PPP6R3: variants seen among roughly 807,000 people sequenced by gnomAD.
PPP6R3 encodes serine/threonine-protein phosphatase 6 regulatory subunit 3.
In PPP6R3, 38 loss-of-function variants were observed where a neutral mutation model predicts 110.7. The observed-to-expected ratio is 0.34, with a 90% confidence interval of 0.26 to 0.45. The LOEUF is 0.45. Ranked by LOEUF, PPP6R3 falls within the 20% of genes least tolerant of loss-of-function variation. The pLI is 1.00. For missense variants in PPP6R3, 870 were observed against 1,062.4 expected (o/e 0.82, Z 2.52); for synonymous variants, 369 against 373.5 (o/e 0.99, Z 0.14).
chr11:68,525,767 G>A (rs1306082332), intron 2 of PPP6R3, among the ~76,000 whole-genome samples: 2 of 152,148 alleles, frequency 1.3e-5, no homozygotes, highest in Non-Finnish European at 2.9e-5. Flanking sequence ...GCATCTCAGT[G>A]TGCTCCTGAA....
intron 1 of PPP6R3, among the ~76,000 whole-genome samples, chr11:68,483,201 T>C (rs951997868): frequency 2.6e-5 from 4 of 152,240 alleles, no homozygotes; most frequent in Non-Finnish European, 2.9e-5. Context: ...CTTAGAAAAG[T>C]ATTTTGTTTA....
chr11:68,460,954 T>TG (rs1223558589), intron 1 of PPP6R3, 127 bp downstream of exon 1: 1 of 147,426 alleles, frequency 6.8e-6, no homozygotes, highest in Admixed American at 6.7e-5. Context: ...CCCTCTCCCC[T>TG]CCCCCCCCGG....
chr11:68,477,737 AAAAAATATATATATATATATATATAT>A (rs1198949479), intron 1 of PPP6R3, among the ~76,000 whole-genome samples: 5 of 64,558 alleles, frequency 7.7e-5, no homozygotes, highest in African/African-American at 3.0e-4. Flanking sequence ...TTAAAAAAAA[AAAAAATATATATATATATATATATAT>A]ATATATATAA....
At chr11:68,473,201 TCAGCTC>T (rs978709942) in intron 1 of PPP6R3, among the ~76,000 whole-genome samples, 2 of 152,206 alleles carry the variant, frequency 1.3e-5, no homozygotes, top group African/African-American at 4.8e-5. Context: ...GTTGGGACTT[TCAGCTC>T]CACCTCCAGC....
intron 1 of PPP6R3, among the ~76,000 whole-genome samples, chr11:68,496,622 G>A (rs184496771): frequency 6.2e-4 from 94 of 151,922 alleles, no homozygotes; most frequent in African/African-American, 2.2e-3. Context: ...ACAGGTGTGT[G>A]CCACCGCATC....
intron 19 of PPP6R3, 107 bp downstream of exon 19, chr11:68,596,325 G>A (rs1164402242): frequency 1.3e-6 from 2 of 1,490,588 alleles, no homozygotes; most frequent in East Asian, 2.3e-5. Flanking sequence ...CTGAAGGAAA[G>A]GTTGGGTTGA....
At chr11:68,567,596 C>G (rs1247739456) in intron 10 of PPP6R3, among the ~76,000 whole-genome samples, 1 of 152,118 alleles carries the variant, frequency 6.6e-6, no homozygotes, top group Non-Finnish European at 1.5e-5. Flanking sequence ...CCTTGAGACA[C>G]AGTTATTAGC....
chr11:68,494,863 A>G (rs1447702222), intron 1 of PPP6R3, among the ~76,000 whole-genome samples: 1 of 152,164 alleles, frequency 6.6e-6, no homozygotes, highest in African/African-American at 2.4e-5. Flanking sequence ...CTTAAAAACA[A>G]ATTTTATGTT....
At chr11:68,544,581 A>G (rs1474940952) in intron 3 of PPP6R3, among the ~76,000 whole-genome samples, 3 of 152,218 alleles carry the variant, frequency 2.0e-5, no homozygotes, top group African/African-American at 7.2e-5. Context: ...TGGGCTTCTG[A>G]GTACTAGGTG....
At chr11:68,598,427 G>C (rs2099620670) in intron 19 of PPP6R3, among the ~76,000 whole-genome samples, 1 of 152,200 alleles carries the variant, frequency 6.6e-6, no homozygotes, top group Admixed American at 6.5e-5. Flanking sequence ...GAGCACCCTG[G>C]ATGAGGTTCG....
chr11:68,555,182 C>T (rs769276103), intron 7 of PPP6R3, among the ~76,000 whole-genome samples: 9 of 152,092 alleles, frequency 5.9e-5, no homozygotes, highest in Non-Finnish European at 7.4e-5. Context: ...AAAAGATTGC[C>T]GGCTTCTGAG....
intron 1 of PPP6R3, among the ~76,000 whole-genome samples, chr11:68,477,053 T>G (rs1283819614): frequency 2.0e-5 from 3 of 151,872 alleles, no homozygotes; most frequent in Non-Finnish European, 4.4e-5. Context: ...AAAGTGTTAA[T>G]AAAATGTGGT....
chr11:68,519,174 A>G (rs1318590072), intron 1 of PPP6R3, among the ~76,000 whole-genome samples: 1 of 152,202 alleles, frequency 6.6e-6, no homozygotes, highest in Non-Finnish European at 1.5e-5. Context: ...AGTGGACCCT[A>G]TGTTGGATAA....
rs998328477 is a variant in PPP6R3, at chr11:68,479,084, A to G, written c.-158+18257A>G. On this transcript the variant is annotated intron_variant, in intron 1 of 23. Coordinates refer to ENST00000393800, the MANE Select transcript of PPP6R3 (RefSeq NM_001164161.2). ...CAGTCTGCGGTTGCTAGACATCACTATTGTTCCTGACATGAATTTATAGGC... is the reference window on the plus strand; with the variant it reads ...CAGTCTGCGGTTGCTAGACATCACTGTTGTTCCTGACATGAATTTATAGGC... Among the ~76,000 whole-genome samples the G allele has an allele frequency of 9.8e-5, 15 of 152,314 alleles. 1 individual carries two copies. The highest frequency in any genetic ancestry group is 4.6e-4 in the Admixed American group (7 of 15,302).
chr11:68,586,123 TG>T (rs576585249), intron 15 of PPP6R3, among the ~76,000 whole-genome samples: 2 of 152,216 alleles, frequency 1.3e-5, no homozygotes, highest in South Asian at 4.2e-4. Context: ...AATTTTTTTT[TG>T]GAGGGGAAAA....
intron 18 of PPP6R3, among the ~76,000 whole-genome samples, chr11:68,592,811 A>AT (rs1304137459): frequency 6.6e-6 from 1 of 152,112 alleles, no homozygotes; most frequent in Non-Finnish European, 1.5e-5. Context: ...ATTTACTGAG[A>AT]TTTTGTTTCT....
chr11:68,609,996 G>A lies in PPP6R3; in HGVS notation c.2543G>A (p.Arg848Lys). Residue 848 changes from arginine to lysine, a missense_variant, in exon 23 of 24, where the codon AGG becomes AAG. Arg to Lys is a conservative substitution (Grantham distance 26). Coordinates refer to ENST00000393800, the MANE Select transcript of PPP6R3 (RefSeq NM_001164161.2). ...ETAEAKCAAP[R>K]PPSSSPEQRT... ...GCAGAGGCGAAGTGCGCGGCGCCCAGGCCTCCCAGCAGCAGTCCCGAGCAG... is the reference window on the plus strand; with the variant it reads ...GCAGAGGCGAAGTGCGCGGCGCCCAAGCCTCCCAGCAGCAGTCCCGAGCAG... 1 of 1,614,062 alleles carries A rather than the reference G, an allele frequency of 6.2e-7. No individual in the cohort carries two copies. The highest frequency in any genetic ancestry group is 8.5e-7 in the Non-Finnish European group (1 of 1,180,018).
intron 9 of PPP6R3, among the ~76,000 whole-genome samples, chr11:68,565,640 A>G (rs1414650806): frequency 6.6e-6 from 1 of 152,010 alleles, no homozygotes; most frequent in Non-Finnish European, 1.5e-5. Flanking sequence ...TGGCCCACCC[A>G]TCTTCTTTCT....
chr11:68,480,408 G>T (rs2098898126), intron 1 of PPP6R3, among the ~76,000 whole-genome samples: 1 of 152,164 alleles, frequency 6.6e-6, no homozygotes, highest in South Asian at 2.1e-4. Flanking sequence ...ACACTGTCTG[G>T]GCACTTGGTA....
Sources: allele counts gnomAD v4.1 joint callset (sites outside exome capture counted in the v4.1 genomes callset), GRCh38; gene constraint gnomAD v4.1.1; transcripts MANE v1.5; gene names NCBI Gene and HGNC (gene_info 2026-07-23, HGNC 2026-07-21).